The following PLD5 variants were observed in gnomAD, a reference collection of about 807,000 sequenced individuals.
The protein encoded by PLD5 is phospholipase D family member 5.
Under a neutral mutation model 61.1 loss-of-function variants are expected in PLD5, and 36 were observed. That is an observed-to-expected ratio of 0.59 (90% confidence interval 0.45 to 0.78). The LOEUF (loss-of-function observed/expected upper bound fraction) is 0.78, where lower values mean the gene tolerates loss of function less well. Ranked by LOEUF, PLD5 falls within the 30% of genes least tolerant of loss-of-function variation. The probability of loss-of-function intolerance (pLI) is 0.00; values close to 1 mark genes in which losing one functional copy is unlikely to be tolerated. For missense variants in PLD5, 515 were observed against 644.4 expected (o/e 0.80, Z 2.17); for synonymous variants, 243 against 242.8 (o/e 1.00, Z -0.01).
At chr1:242,337,165 C>T (rs867018888) in intron 2 of PLD5, among the ~76,000 whole-genome samples, 1 of 106,044 alleles carries the variant, frequency 9.4e-6, no homozygotes, top group African/African-American at 3.2e-5. Flanking sequence ...TTCTCAATGG[C>T]TTGTGATGGC....
At chr1:242,240,067 CT>C (rs1172925890) in intron 4 of PLD5, among the ~76,000 whole-genome samples, 2 of 152,232 alleles carry the variant, frequency 1.3e-5, no homozygotes, top group Non-Finnish European at 2.9e-5. Context: ...CTGTTCTTAA[CT>C]GTCAACCTCT....
At chr1:242,299,292 C>T (rs1298453517) in intron 2 of PLD5, among the ~76,000 whole-genome samples, 1 of 152,174 alleles carries the variant, frequency 6.6e-6, no homozygotes, top group Non-Finnish European at 1.5e-5. Context: ...AATGCAGTTA[C>T]ACTCTTTAAG....
At chr1:242,124,007 A>G (rs372061045) in intron 6 of PLD5, among the ~76,000 whole-genome samples, 4 of 152,254 alleles carry the variant, frequency 2.6e-5, no homozygotes, top group African/African-American at 9.6e-5. Flanking sequence ...TGATCTATAC[A>G]CTGAGATTCC....
chr1:242,169,584 T>C (rs1666589319), intron 5 of PLD5, among the ~76,000 whole-genome samples: 1 of 152,154 alleles, frequency 6.6e-6, no homozygotes, highest in South Asian at 2.1e-4. Context: ...GACAGAACTA[T>C]TCACCCCCCT....
chr1:242,183,886 C>T (rs1294177536), intron 5 of PLD5, among the ~76,000 whole-genome samples: 1 of 151,894 alleles, frequency 6.6e-6, no homozygotes, highest in Non-Finnish European at 1.5e-5. Flanking sequence ...CAGAGCGAGA[C>T]TCCGTCTCAA....
At chr1:242,260,168 G>T (rs1206772609) in intron 4 of PLD5, among the ~76,000 whole-genome samples, 1 of 152,056 alleles carries the variant, frequency 6.6e-6, no homozygotes, top group Non-Finnish European at 1.5e-5. Context: ...TCAATATGGT[G>T]AAACTCCATC....
At chr1:242,128,820 T>G (rs572147452) in intron 5 of PLD5, among the ~76,000 whole-genome samples, 6 of 152,232 alleles carry the variant, frequency 3.9e-5, no homozygotes, top group African/African-American at 1.4e-4. Context: ...GGCAAGGCAC[T>G]TCAGCTCTTC....
At chr1:242,461,535 C>T (rs569241172) in intron 1 of PLD5, among the ~76,000 whole-genome samples, 14 of 152,354 alleles carry the variant, frequency 9.2e-5, no homozygotes, top group African/African-American at 2.6e-4. Context: ...ATATATTTCT[C>T]AACCTGTCCT....
At chr1:242,348,860 C>A (rs1210317050) in intron 1 of PLD5, among the ~76,000 whole-genome samples, 2 of 152,152 alleles carry the variant, frequency 1.3e-5, no homozygotes, top group African/African-American at 4.8e-5. Context: ...CAAGACCGTC[C>A]TGGCTAACAC....
At chr1:242,240,668 G>A (rs907650582) in intron 4 of PLD5, among the ~76,000 whole-genome samples, 7 of 152,064 alleles carry the variant, frequency 4.6e-5, no homozygotes, top group Non-Finnish European at 2.9e-5. Context: ...AAGGACAGCG[G>A]GAAAATGTAG....
intron 4 of PLD5, among the ~76,000 whole-genome samples, chr1:242,254,988 C>T (rs1333298876): frequency 2.6e-5 from 4 of 152,182 alleles, no homozygotes; most frequent in Non-Finnish European, 5.9e-5. Flanking sequence ...GGCAATCAAG[C>T]ATGAGCCTCT....
Position 242,313,675 on chromosome 1 carries a change from G to C in PLD5, c.327-25145C>G, listed in dbSNP as rs568752030. ...GTGCCTCCTTCATTTCCCACATTTT[G>C]GTCAAATGCTGAGCCTAGTTCTACC... On this transcript the variant is annotated intron_variant, in intron 2 of 9. Coordinates refer to ENST00000536534, the MANE Select transcript of PLD5 (RefSeq NM_001372062.1). 7.3e-4 allele frequency among the ~76,000 whole-genome samples: 111 copies of C among 152,204 alleles called. 1 individual carries two copies. The highest frequency in any genetic ancestry group is 2.6e-3 in the African/African-American group (106 of 41,528).
At chr1:242,114,466 T>G (rs1355931392) in intron 6 of PLD5, among the ~76,000 whole-genome samples, 1 of 152,226 alleles carries the variant, frequency 6.6e-6, no homozygotes, top group Non-Finnish European at 1.5e-5. Context: ...TCTAATATAT[T>G]ATTGTTAAGT....
At chr1:242,438,879 T>G (rs551549460) in intron 1 of PLD5, among the ~76,000 whole-genome samples, 5 of 152,300 alleles carry the variant, frequency 3.3e-5, no homozygotes, top group African/African-American at 1.2e-4. Flanking sequence ...ACAATCCCTG[T>G]TTAGGAGTCA....
intron 1 of PLD5, among the ~76,000 whole-genome samples, chr1:242,444,649 T>C (rs1572165440): frequency 2.8e-5 from 2 of 72,036 alleles, no homozygotes; most frequent in African/African-American, 1.1e-4. Flanking sequence ...TTATATAAAA[T>C]ATAAATATTT....
chr1:242,352,512 G>C (rs772026051), intron 1 of PLD5, among the ~76,000 whole-genome samples: 12 of 152,156 alleles, frequency 7.9e-5, no homozygotes, highest in Non-Finnish European at 1.2e-4. Context: ...CAATAAACAT[G>C]GGTGTGCAGA....
chr1:242,230,587 T>C (rs565802259), intron 4 of PLD5, among the ~76,000 whole-genome samples: 4 of 152,298 alleles, frequency 2.6e-5, no homozygotes, highest in African/African-American at 9.6e-5. Context: ...TTAGAATTCA[T>C]TGGCTAGAAG....
At chr1:242,237,105 G>A (rs1281973429) in intron 4 of PLD5, among the ~76,000 whole-genome samples, 4 of 152,090 alleles carry the variant, frequency 2.6e-5, no homozygotes, top group African/African-American at 9.7e-5. Context: ...GCAGCTCAGG[G>A]GAATTCTCTT....
chr1:242,152,718 G>A (rs902611342), intron 5 of PLD5, among the ~76,000 whole-genome samples: 4 of 152,108 alleles, frequency 2.6e-5, no homozygotes, highest in Non-Finnish European at 5.9e-5. Context: ...AGTATTCCAT[G>A]GTGTATATGT....
Sources: gnomAD v4.1 joint callset for allele counts (sites outside exome capture counted in the v4.1 genomes callset) on GRCh38, gnomAD v4.1.1 for gene constraint, MANE v1.5 for transcripts, NCBI Gene and HGNC (gene_info 2026-07-23, HGNC 2026-07-21) for gene names.